MAN1C1: variants seen among roughly 807,000 people sequenced by gnomAD.
The protein encoded by MAN1C1 is mannosidase alpha class 1C member 1.
MAN1C1 carries 49 observed loss-of-function variants against 71.5 expected under a neutral mutation model. The ratio of observed to expected loss-of-function variants is 0.69; its 90% CI spans 0.54 to 0.87. The LOEUF (loss-of-function observed/expected upper bound fraction) is 0.87, where lower values mean the gene tolerates loss of function less well. Among genes scored for constraint, MAN1C1 ranks in the 40% least tolerant of loss-of-function variants. The probability of loss-of-function intolerance (pLI) is 0.00; values close to 1 mark genes in which losing one functional copy is unlikely to be tolerated. For synonymous variants in MAN1C1, 352 were observed against 343.7 expected, an observed-to-expected ratio of 1.02 and a Z score of -0.27; for missense variants, 743 against 835.0, an observed-to-expected ratio of 0.89 and a Z score of 1.36.
chr1:25,658,946 CCAG>C, intron 1 of MAN1C1: 1 of 152,672 alleles, frequency 6.5e-6, no homozygotes, highest in Non-Finnish European at 1.5e-5. Context: ...TCAGTCCTGG[CCAG>C]CAGCAGCATC....
chr1:25,672,489 G>T (rs1439809822), intron 1 of MAN1C1, among the ~76,000 whole-genome samples: 1 of 152,194 alleles, frequency 6.6e-6, no homozygotes, highest in Non-Finnish European at 1.5e-5. Flanking sequence ...CTGCATCTCT[G>T]CATTCCTTGG....
chr1:25,638,605 A>G (rs977023122), intron 1 of MAN1C1, among the ~76,000 whole-genome samples: 10 of 151,914 alleles, frequency 6.6e-5, no homozygotes, highest in Non-Finnish European at 1.0e-4. Flanking sequence ...CTTTTGTTTT[A>G]TCAGAAAGCA....
chr1:25,658,212 G>A (rs542763731), intron 1 of MAN1C1, among the ~76,000 whole-genome samples: 29 of 152,364 alleles, frequency 1.9e-4, no homozygotes, highest in Non-Finnish European at 4.1e-4. Context: ...TCACAGTGGT[G>A]AGCAAGCTGA....
chr1:25,705,961 A>G (rs2046516064), intron 2 of MAN1C1, among the ~76,000 whole-genome samples: 1 of 152,214 alleles, frequency 6.6e-6, no homozygotes, highest in African/African-American at 2.4e-5. Flanking sequence ...AAATAAATAA[A>G]TAATCTATTG....
chr1:25,746,687 A>C lies in MAN1C1; in HGVS notation c.657A>C (p.Thr219=), dbSNP rs753906981. The change falls in exon 3 of 12, where the codon ACA becomes ACC. Residue 219 remains threonine, a synonymous_variant. Transcript: ENST00000374332. The surrounding 1 kb of genome is among the most constrained non-coding windows in gnomAD (Gnocchi z 4.0). ...CTGCAGGAGGCCTCAGCGGGGCAACAGTCATTGACTCCCTCGATACCCTCT... is the reference window on the plus strand; with the variant it reads ...CTGCAGGAGGCCTCAGCGGGGCAACCGTCATTGACTCCCTCGATACCCTCT... The part of the protein sequence containing the change: ...GNMFGGLSGA[T]VIDSLDTLYL... 4.3e-5 allele frequency: 69 copies of C among 1,613,542 alleles called. No individual in the cohort carries two copies. The highest frequency in any genetic ancestry group is 1.8e-4 in the South Asian group (16 of 91,076).
rs112657270 is a variant in MAN1C1, at chr1:25,757,613, G to A, written c.930-979G>A. Among the ~76,000 whole-genome samples the A allele has an allele frequency of 2.0e-3, 301 of 152,306 alleles. 1 individual carries two copies. Among genetic ancestry groups the A allele is most frequent in the African/African-American group, 6.2e-3 (257 of 41,574 alleles). On this transcript the variant is annotated intron_variant, in intron 5 of 11. Coordinates refer to ENST00000374332, the MANE Select transcript of MAN1C1 (RefSeq NM_020379.4). ...CATGAACCTAGGAGATGGAGGCTTC[G>A]CCTTCACTGTGTCTTACGGATGCAG...
chr1:25,759,842 C>G (rs41291112), intron 6 of MAN1C1: 1 of 151,402 alleles, frequency 6.6e-6, no homozygotes, highest in Admixed American at 6.5e-5. Context: ...ATTACTTTCT[C>G]TGACAAGGAG....
intron 1 of MAN1C1, among the ~76,000 whole-genome samples, chr1:25,681,799 T>C (rs1234875872): frequency 6.6e-6 from 1 of 152,172 alleles, no homozygotes; most frequent in Admixed American, 6.5e-5. Context: ...GCCAACACTT[T>C]TCATTGTCCA....
intron 1 of MAN1C1, among the ~76,000 whole-genome samples, chr1:25,635,612 G>A (rs1361227590): frequency 6.6e-6 from 1 of 151,792 alleles, no homozygotes; most frequent in African/African-American, 2.4e-5. Context: ...ACCACGCCTG[G>A]CTAATTTTGT....
chr1:25,683,459 G>A (rs1450348889), intron 1 of MAN1C1, among the ~76,000 whole-genome samples: 1 of 152,232 alleles, frequency 6.6e-6, no homozygotes, highest in Admixed American at 6.5e-5. Flanking sequence ...CCAGTCCTTG[G>A]ATGCATTGTG....
At chr1:25,663,405 C>G (rs980884197) in intron 1 of MAN1C1, among the ~76,000 whole-genome samples, 53 of 152,134 alleles carry the variant, frequency 3.5e-4, no homozygotes, top group African/African-American at 1.2e-3. Flanking sequence ...CTTATATATA[C>G]TATGTTCTTC....
rs545093749 is a variant in MAN1C1 at position 25,707,828 on chromosome 1, T to A, written c.637+21292T>A. 2.0e-5 allele frequency among the ~76,000 whole-genome samples: 3 copies of A among 151,894 alleles called. No homozygotes were observed. The South Asian group carries it at 6.3e-4, about 32-fold the overall frequency. Reference sequence around the variant, plus strand: ...AGGCGTGGGAAACAAATATTGGGAGTAGAAAGGAAGGGCCTGTAGCCTCTG... The same window carrying A: ...AGGCGTGGGAAACAAATATTGGGAGAAGAAAGGAAGGGCCTGTAGCCTCTG... On this transcript the variant is annotated intron_variant, in intron 2 of 11. Coordinates refer to ENST00000374332, the MANE Select transcript of MAN1C1 (RefSeq NM_020379.4).
chr1:25,767,996 T>C (rs111162224), intron 7 of MAN1C1, among the ~76,000 whole-genome samples: 4 of 45,754 alleles, frequency 8.7e-5, no homozygotes, highest in Admixed American at 2.6e-4. Flanking sequence ...ACACATTACA[T>C]ACACTCCCCC....
At chr1:25,736,316 C>T (rs1300325922) in intron 2 of MAN1C1, among the ~76,000 whole-genome samples, 1 of 152,118 alleles carries the variant, frequency 6.6e-6, no homozygotes, top group Non-Finnish European at 1.5e-5. Flanking sequence ...CTTAGCTTTG[C>T]CAAGCCTGAG....
chr1:25,760,302 C>A (rs1300767352), intron 6 of MAN1C1: 2 of 152,232 alleles, frequency 1.3e-5, no homozygotes, highest in East Asian at 3.8e-4. Context: ...TTGCCCTGGG[C>A]CTTCCAGCTG....
intron 2 of MAN1C1, among the ~76,000 whole-genome samples, chr1:25,733,710 A>G (rs2046941305): frequency 6.6e-6 from 1 of 152,238 alleles, no homozygotes. Flanking sequence ...TGAATCTTGA[A>G]CAAGTGACTT....
chr1:25,618,373 GC>G (rs2045148878), intron 1 of MAN1C1, 36 bp downstream of exon 1: 4 of 1,567,728 alleles, frequency 2.6e-6, no homozygotes, highest in Non-Finnish European at 3.4e-6. Flanking sequence ...CCCACCAACT[GC>G]CCCCTCTAAG....
chr1:25,707,078 G>A (rs1372628677), intron 2 of MAN1C1, among the ~76,000 whole-genome samples: 2 of 152,220 alleles, frequency 1.3e-5, no homozygotes, highest in Non-Finnish European at 2.9e-5. Flanking sequence ...TGAGCTTGAT[G>A]ATCCAGACTC....
Position 25,656,095 on chromosome 1 carries a change from CTTTTT to C in MAN1C1, c.541-30327_541-30323del, listed in dbSNP as rs59710145. On this transcript the variant is annotated intron_variant, in intron 1 of 11. Coordinates refer to ENST00000374332, the MANE Select transcript of MAN1C1 (RefSeq NM_020379.4). Reference sequence around the variant, plus strand: ...TATGTCTTAGGTTGGGATTATCAGTCTTTTTTTTTTTTTTTTTTTTTTGAGACAGT... The same window carrying C: ...TATGTCTTAGGTTGGGATTATCAGTCTTTTTTTTTTTTTTTTTGAGACAGT... Among the ~76,000 whole-genome samples, 209 of 74,968 alleles carry C rather than the reference CTTTTT, an allele frequency of 2.8e-3. 6 individuals are homozygous for C. The highest frequency in any genetic ancestry group is 0.016 in the African/African-American group (193 of 12,198). 49.2% of individuals were successfully genotyped at this position (74,968 alleles called of 152,430 possible). A position where few individuals can be genotyped will look rare whatever the true frequency, so the allele number is the denominator to read the frequency against.
Sources: gnomAD v4.1 joint callset for allele counts (sites outside exome capture counted in the v4.1 genomes callset) on GRCh38, gnomAD v4.1.1 for gene constraint, Gnocchi (gnomAD v3.1) non-coding constraint, MANE v1.5 for transcripts, NCBI Gene and HGNC (gene_info 2026-07-23, HGNC 2026-07-21) for gene names.